Variants in CACNA2D3 observed in about 807,000 individuals in gnomAD.
The protein encoded by CACNA2D3 is voltage-dependent calcium channel subunit alpha-2/delta-3.
CACNA2D3 carries 60 observed loss-of-function variants against 160.6 expected under a neutral mutation model. That is an observed-to-expected ratio of 0.37 (90% CI 0.30 to 0.46). The LOEUF (loss-of-function observed/expected upper bound fraction) is 0.46. Ranked by LOEUF, CACNA2D3 falls within the 20% of genes least tolerant of loss-of-function variation. The probability of loss-of-function intolerance (pLI) is 1.00; values close to 1 mark genes in which losing one functional copy is unlikely to be tolerated. For synonymous variants in CACNA2D3, 558 were observed against 492.9 expected (o/e 1.13, Z -1.75); for missense variants, 1,205 against 1,365.0 (o/e 0.88, Z 1.85).
intron 11 of CACNA2D3, among the ~76,000 whole-genome samples, chr3:54,643,699 A>C (rs1026548266): frequency 6.6e-6 from 1 of 152,190 alleles, no homozygotes; most frequent in African/African-American, 2.4e-5. Flanking sequence ...ATAAACATAC[A>C]TGATGTGAAA....
intron 11 of CACNA2D3, among the ~76,000 whole-genome samples, chr3:54,666,448 A>G (rs565505639): frequency 4.6e-4 from 70 of 152,354 alleles, no homozygotes; most frequent in African/African-American, 1.6e-3. Context: ...ACCCAAGCCA[A>G]GAAGGAACCA....
intron 6 of CACNA2D3, among the ~76,000 whole-genome samples, chr3:54,567,985 T>C (rs1220091120): frequency 1.3e-5 from 2 of 152,184 alleles, no homozygotes; most frequent in African/African-American, 4.8e-5. Context: ...CAAAAAGATA[T>C]TCAGATTTTT....
At chr3:54,919,640 G>T (rs1248141578) in intron 27 of CACNA2D3, among the ~76,000 whole-genome samples, 1 of 152,228 alleles carries the variant, frequency 6.6e-6, no homozygotes, top group African/African-American at 2.4e-5. Flanking sequence ...CCTAGAGAGA[G>T]CCCTGAGCTA....
intron 35 of CACNA2D3, among the ~76,000 whole-genome samples, chr3:55,041,682 G>T (rs948179409): frequency 2.6e-5 from 4 of 151,350 alleles, no homozygotes; most frequent in East Asian, 1.9e-4. Flanking sequence ...CTATTTTTTT[G>T]ATCTTTATGA....
At chr3:54,980,885 T>A (rs994030127) in intron 29 of CACNA2D3, among the ~76,000 whole-genome samples, 1 of 152,258 alleles carries the variant, frequency 6.6e-6, no homozygotes, top group African/African-American at 2.4e-5. Context: ...TCTTTAAAAC[T>A]ATCTTTATTT....
At chr3:54,380,726 C>CAAAAAACA (rs11282178) in intron 3 of CACNA2D3, among the ~76,000 whole-genome samples, 53,651 of 150,710 alleles carry the variant, frequency 0.36, 9,701 homozygotes, top group Admixed American at 0.42. Context: ...GTCTCAAAAA[C>CAAAAAACA]AAAAAACAAA....
intron 13 of CACNA2D3, among the ~76,000 whole-genome samples, chr3:54,791,704 G>A (rs970415081): frequency 3.3e-5 from 5 of 152,150 alleles, no homozygotes; most frequent in Admixed American, 2.0e-4. Context: ...TGAGACAGAT[G>A]GGACTTAATT....
chr3:54,520,377 G>A (rs1354112389), intron 5 of CACNA2D3, among the ~76,000 whole-genome samples: 1 of 152,198 alleles, frequency 6.6e-6, no homozygotes, highest in Admixed American at 6.5e-5. Context: ...TCATCACACA[G>A]CTAATTTCTG....
At chr3:54,648,968 C>T (rs1391782652) in intron 11 of CACNA2D3, among the ~76,000 whole-genome samples, 1 of 152,208 alleles carries the variant, frequency 6.6e-6, no homozygotes, top group East Asian at 1.9e-4. Flanking sequence ...AAACACCTCC[C>T]ACCAGGTCCC....
In CACNA2D3 at chr3:54,763,407, T is replaced by C. The variant is rs1475852091; in HGVS notation, c.1247-811T>C. On this transcript the variant is annotated intron_variant, in intron 12 of 37. Coordinates refer to ENST00000474759, the MANE Select transcript of CACNA2D3 (RefSeq NM_018398.3). ...AAAGGGACAACGTTGATCAAGTGTT[T>C]AGCAAATTTTATGGCACCTAGCACT... Among the ~76,000 whole-genome samples, 12 of 152,084 alleles carry C rather than the reference T, an allele frequency of 7.9e-5. 1 individual carries two copies. Among genetic ancestry groups the C allele is most frequent in the Admixed American group, 6.6e-5 (1 of 15,256 alleles).
intron 11 of CACNA2D3, among the ~76,000 whole-genome samples, chr3:54,663,480 G>GT (rs1371163863): frequency 6.6e-6 from 1 of 152,208 alleles, no homozygotes; most frequent in African/African-American, 2.4e-5. Flanking sequence ...GAGTCAGGAG[G>GT]TTTGTGTGAA....
At chr3:54,409,285 C>A (rs539692054) in intron 4 of CACNA2D3, among the ~76,000 whole-genome samples, 1 of 152,228 alleles carries the variant, frequency 6.6e-6, no homozygotes, top group African/African-American at 2.4e-5. Context: ...GATCAGTGAT[C>A]TTTGGACGTT....
chr3:54,332,105 A>G (rs570598922), intron 3 of CACNA2D3, among the ~76,000 whole-genome samples: 3 of 152,342 alleles, frequency 2.0e-5, no homozygotes, highest in Non-Finnish European at 4.4e-5. Context: ...ACTTCGTTCT[A>G]GAAAGAAAGA....
chr3:54,174,780 C>T (rs1440873282), intron 2 of CACNA2D3, among the ~76,000 whole-genome samples: 2 of 152,206 alleles, frequency 1.3e-5, no homozygotes, highest in African/African-American at 2.4e-5. Context: ...CCGCCTTGGC[C>T]TCCCAAAGTG....
chr3:54,677,750 G>A (rs577551504), intron 11 of CACNA2D3, among the ~76,000 whole-genome samples: 1 of 152,102 alleles, frequency 6.6e-6, no homozygotes, highest in Non-Finnish European at 1.5e-5. Context: ...ACATAGTCAA[G>A]TCTCTGAACC....
chr3:54,878,690 T>C (rs529031534), intron 18 of CACNA2D3: 6 of 212,824 alleles, frequency 2.8e-5, no homozygotes, highest in East Asian at 9.9e-5. Context: ...AAACGTACCT[T>C]GTCCCCAGAG....
At chr3:54,738,471 C>T (rs1196954881) in intron 11 of CACNA2D3, among the ~76,000 whole-genome samples, 3 of 152,210 alleles carry the variant, frequency 2.0e-5, no homozygotes, top group Non-Finnish European at 4.4e-5. Context: ...TGGTATCTTT[C>T]TCCTCTCTTG....
chr3:54,207,682 A>G (rs2107358122), intron 2 of CACNA2D3, among the ~76,000 whole-genome samples: 1 of 152,262 alleles, frequency 6.6e-6, no homozygotes, highest in South Asian at 2.1e-4. Flanking sequence ...GGCTCTGTGC[A>G]CATTCCACCA....
chr3:54,968,371 C>T (rs184953725), intron 27 of CACNA2D3, 79 bp from the exon 28 acceptor site: 61 of 912,108 alleles, frequency 6.7e-5, no homozygotes, highest in Non-Finnish European at 9.4e-5. Context: ...CTTGCCATGA[C>T]GGATAATTTT....
Sources: allele counts gnomAD v4.1 joint callset (sites outside exome capture counted in the v4.1 genomes callset), GRCh38; gene constraint gnomAD v4.1.1; transcripts MANE v1.5; gene names NCBI Gene and HGNC (gene_info 2026-07-23, HGNC 2026-07-21).